NUP107: variants seen among roughly 807,000 people sequenced by gnomAD.
NUP107 encodes nuclear pore complex protein Nup107.
In NUP107, 101 loss-of-function variants were observed where a neutral mutation model predicts 141.0. The observed-to-expected ratio is 0.72, with a 90% CI of 0.61 to 0.84. The LOEUF (loss-of-function observed/expected upper bound fraction) is 0.84, where lower values mean the gene tolerates loss of function less well. NUP107 is among the 40% of genes least tolerant of loss of function. The pLI, the probability that NUP107 is intolerant of heterozygous loss-of-function variation, is 0.00. For missense variants in NUP107, 941 were observed against 1,102.7 expected, an observed-to-expected ratio of 0.85 and a Z score of 2.08; for synonymous variants, 319 against 363.9, an observed-to-expected ratio of 0.88 and a Z score of 1.41.
Position 68,743,947 on chromosome 12 carries a change from A to G in NUP107, c.*1485A>G, listed in dbSNP as rs965364218. 6.6e-6 allele frequency: 1 copy of G among 152,246 alleles called. No individual in the cohort carries two copies. Among genetic ancestry groups the G allele is most frequent in the African/African-American group, 2.4e-5 (1 of 41,464 alleles). The allele number at this position is 152,246 out of a possible 1,614,324, so 9.4% of individuals were successfully genotyped here. On this transcript the variant is annotated 3_prime_UTR_variant, in exon 28 of 28. Coordinates refer to ENST00000229179, the MANE Select transcript of NUP107 (RefSeq NM_020401.4). ...ATTGCTATGCTACTTTGCAAAAAAT[A>G]AAAACAAAAAATTCATACCAAAACA...
At position 68,732,822 on chromosome 12, in the gene NUP107, G is replaced by A. The variant is rs914689488; in HGVS notation, c.2101+83G>A. ...AGCCTCCCAAGTAGCTGGGACTACA[G>A]GCACCCACCACCACACCCACCTAAT... On this transcript the variant is annotated intron_variant, in intron 23 of 27. Transcript: ENST00000229179. 11 of 885,224 alleles carry A rather than the reference G, an allele frequency of 1.2e-5. No homozygotes were observed. The African/African-American group carries it at 1.7e-4, about 14-fold the overall frequency. 54.8% of individuals were successfully genotyped at this position (885,224 alleles called of 1,614,324 possible). A position where few individuals can be genotyped will look rare whatever the true frequency, so the allele number is the denominator to read the frequency against.
At chr12:68,728,854 G>A (rs1027816010) in intron 20 of NUP107, among the ~76,000 whole-genome samples, 8 of 151,574 alleles carry the variant, frequency 5.3e-5, no homozygotes, top group African/African-American at 1.9e-4. Flanking sequence ...GTAAGTTTAT[G>A]TTGTCTGTTT....
At chr12:68,708,205 C>G (rs1876685930) in intron 8 of NUP107, among the ~76,000 whole-genome samples, 1 of 151,996 alleles carries the variant, frequency 6.6e-6, no homozygotes, top group Non-Finnish European at 1.5e-5. Flanking sequence ...CCCATGGATA[C>G]CAAGGGACGA....
chr12:68,700,776 A>G lies in NUP107; in HGVS notation c.603A>G (p.Lys201=). 1 of 1,612,088 alleles carries G rather than the reference A, an allele frequency of 6.2e-7. No individual in the cohort carries two copies. The highest frequency in any genetic ancestry group is 1.1e-5 in the South Asian group (1 of 90,542). The change falls in exon 7 of 28, where the codon AAA becomes AAG. Residue 201 remains lysine, a synonymous_variant. Transcript: ENST00000229179. ...GTCGAGCAACACCTGGACTTCAAAA[A>G]TTTTCAAAAACAGCCAGTATGCTCT... The part of the protein sequence containing the change: ...IVSRATPGLQ[K]FSKTASMLWL...
At chr12:68,726,942 G>A (rs1030711331) in intron 19 of NUP107, among the ~76,000 whole-genome samples, 3 of 152,172 alleles carry the variant, frequency 2.0e-5, no homozygotes, top group African/African-American at 7.2e-5. Context: ...TTTGTTGGTT[G>A]TTGTTTTGTT....
intron 26 of NUP107, among the ~76,000 whole-genome samples, chr12:68,736,389 T>C (rs981743449): frequency 9.2e-5 from 14 of 151,800 alleles, no homozygotes; most frequent in Non-Finnish European, 4.4e-5. Flanking sequence ...ACTGATGGAG[T>C]AATTATCTTA....
At chr12:68,695,016 C>G (rs767488962) in intron 5 of NUP107, among the ~76,000 whole-genome samples, 6 of 152,128 alleles carry the variant, frequency 3.9e-5, no homozygotes, top group Non-Finnish European at 5.9e-5. Flanking sequence ...TTAGGAAAAT[C>G]CAAATCAGAA....
At chr12:68,718,470 G>A (rs1050464588) in intron 12 of NUP107, among the ~76,000 whole-genome samples, 8 of 152,184 alleles carry the variant, frequency 5.3e-5, no homozygotes, top group Admixed American at 3.9e-4. Flanking sequence ...TGGAGTAAAT[G>A]AGCAGTAACA....
intron 26 of NUP107, among the ~76,000 whole-genome samples, chr12:68,741,029 G>A (rs2136055637): frequency 6.6e-6 from 1 of 151,732 alleles, no homozygotes; most frequent in East Asian, 1.9e-4. Context: ...CTGGGCGACA[G>A]AGTGAGATGC....
At chr12:68,735,138 G>T (rs1366001530) in intron 25 of NUP107, 93 bp from the exon 26 acceptor site, 1 of 872,920 alleles carries the variant, frequency 1.1e-6, no homozygotes, top group Non-Finnish European at 1.9e-6. Context: ...TCTTTAGAAT[G>T]ATGTTCTATA....
intron 26 of NUP107, among the ~76,000 whole-genome samples, chr12:68,738,030 A>T (rs569481188): frequency 6.6e-5 from 10 of 152,154 alleles, no homozygotes; most frequent in African/African-American, 1.7e-4. Flanking sequence ...GAATCCCAGC[A>T]CTTTGGGAGG....
intron 12 of NUP107, among the ~76,000 whole-genome samples, chr12:68,718,137 C>T (rs1877190939): frequency 6.6e-6 from 1 of 152,168 alleles, no homozygotes; most frequent in Non-Finnish European, 1.5e-5. Flanking sequence ...TGCCTTCATT[C>T]CCAGAAAGCT....
At chr12:68,705,741 G>A (rs1399043095) in intron 8 of NUP107, 24 of 695,968 alleles carry the variant, frequency 3.4e-5, no homozygotes, top group Admixed American at 9.6e-5. Context: ...TCAGCTCCTC[G>A]AGCTTCTCCC....
intron 4 of NUP107, 50 bp from the exon 5 acceptor site, chr12:68,691,918 C>A: frequency 6.8e-7 from 1 of 1,465,406 alleles, no homozygotes; most frequent in Non-Finnish European, 9.2e-7. Flanking sequence ...CACTCAGTGA[C>A]AATAACTCCA....
At chr12:68,700,673 G>A in intron 6 of NUP107, 53 bp from the exon 7 acceptor site, 1 of 1,337,260 alleles carries the variant, frequency 7.5e-7, no homozygotes, top group South Asian at 1.7e-5. Context: ...AAACTTATCA[G>A]TGACTCAAAA....
intron 23 of NUP107, 150 bp downstream of exon 23, chr12:68,732,889 C>T: frequency 2.2e-6 from 1 of 453,708 alleles, no homozygotes; most frequent in Non-Finnish European, 3.9e-6. Flanking sequence ...CACTATGTTG[C>T]CTAGGCGGGT....
intron 5 of NUP107, among the ~76,000 whole-genome samples, chr12:68,695,232 A>T (rs1875994228): frequency 6.6e-6 from 1 of 152,250 alleles, no homozygotes; most frequent in Non-Finnish European, 1.5e-5. Context: ...AAAATTAAAA[A>T]TAGAATTACC....
At position 68,741,811 on chromosome 12, in the gene NUP107, A is replaced by G; in HGVS notation, c.2503-2A>G. On this transcript the variant is annotated splice_acceptor_variant, in intron 26 of 27. Coordinates refer to ENST00000229179, the MANE Select transcript of NUP107 (RefSeq NM_020401.4). LOFTEE classifies it high-confidence loss of function. ...AAATGATTTATTGATGTCTGTTTGT[A>G]GGATGCCAAAGAAGACCATGAAAGA... 6.2e-7 allele frequency: 1 copy of G among 1,609,398 alleles called. No homozygotes were observed. The highest frequency in any genetic ancestry group is 8.5e-7 in the Non-Finnish European group (1 of 1,178,016).
intron 6 of NUP107, among the ~76,000 whole-genome samples, chr12:68,699,209 A>G (rs1447101389): frequency 6.6e-6 from 1 of 152,046 alleles, no homozygotes; most frequent in Admixed American, 6.6e-5. Flanking sequence ...CATCTGTACT[A>G]AAAATGCAAA....
Sources: gnomAD v4.1 joint callset for allele counts (sites outside exome capture counted in the v4.1 genomes callset) on GRCh38, gnomAD v4.1.1 for gene constraint, MANE v1.5 for transcripts, NCBI Gene and HGNC (gene_info 2026-07-23, HGNC 2026-07-21) for gene names.